TRIM61: variants seen among roughly 807,000 people sequenced by gnomAD.
TRIM61 encodes tripartite motif containing 61.
A neutral mutation model predicts 14.2 loss-of-function variants in TRIM61; 1 was observed. That is an observed-to-expected ratio of 0.07 (90% CI 0.03 to 0.33). TRIM61 has a LOEUF of 0.33. TRIM61 is among the 10% of genes least tolerant of loss of function. The pLI is 0.99. For synonymous variants in TRIM61, 8 were observed against 71.6 expected (o/e 0.11, Z 4.49); for missense variants, 19 against 202.2 (o/e 0.09, Z 5.49).
chr4:164,955,223 G>A (rs1000776480), intron 3 of TRIM61: 2 of 153,844 alleles, frequency 1.3e-5, no homozygotes, highest in African/African-American at 4.8e-5. Context: ...TATGTTGTAT[G>A]ACAATCACAG....
chr4:164,968,067 G>A, intron 3 of TRIM61: 4 of 669,948 alleles, frequency 6.0e-6, no homozygotes, highest in Non-Finnish European at 7.4e-6. Flanking sequence ...CTGAAGAATA[G>A]CTTGAACCTG....
intron 3 of TRIM61, among the ~76,000 whole-genome samples, chr4:164,967,831 CT>C (rs1483326700): frequency 6.7e-6 from 1 of 150,230 alleles, no homozygotes; most frequent in Non-Finnish European, 1.5e-5. Flanking sequence ...AAAATAAAAA[CT>C]TTAGTTAAAA....
chr4:164,968,432 G>A (rs1009056748), intron 3 of TRIM61: 19 of 984,628 alleles, frequency 1.9e-5, no homozygotes, highest in Admixed American at 6.2e-5. Flanking sequence ...ATATAAAGTA[G>A]GTCCCATAAT....
At chr4:164,957,344 C>A (rs1732030791) in intron 3 of TRIM61, 2 of 1,614,096 alleles carry the variant, frequency 1.2e-6, no homozygotes, top group Non-Finnish European at 8.5e-7. Flanking sequence ...GGCTGTCACG[C>A]CACCGAAATT....
At chr4:164,967,038 C>A (rs968657761) in intron 3 of TRIM61, among the ~76,000 whole-genome samples, 1 of 152,138 alleles carries the variant, frequency 6.6e-6, no homozygotes, top group African/African-American at 2.4e-5. Context: ...CCAATGGAAT[C>A]TAAACAAGAG....
chr4:164,957,799 A>G (rs757116488), intron 3 of TRIM61: 1 of 263,764 alleles, frequency 3.8e-6, no homozygotes, highest in Non-Finnish European at 7.7e-6. Context: ...TAAAGCTCTA[A>G]TAAGTGAGAT....
chr4:164,968,208 C>T, intron 3 of TRIM61, 73 bp downstream of exon 3: 1 of 984,468 alleles, frequency 1.0e-6, no homozygotes, highest in South Asian at 4.7e-5. Context: ...ATTTACATAG[C>T]AGTAGTCCAA....
At chr4:164,974,155 G>C (rs1313151623) in intron 2 of TRIM61, among the ~76,000 whole-genome samples, 1 of 152,224 alleles carries the variant, frequency 6.6e-6, no homozygotes, top group Non-Finnish European at 1.5e-5. Flanking sequence ...GAGCAACAGA[G>C]CAAGGCTCTG....
intron 3 of TRIM61, chr4:164,958,143 A>G (rs994029560): frequency 2.4e-5 from 4 of 167,106 alleles, no homozygotes; most frequent in East Asian, 1.9e-4. Context: ...CTGGATAGAT[A>G]TAATAGAGTT....
chr4:164,970,760 T>C (rs1273128150), intron 2 of TRIM61, among the ~76,000 whole-genome samples: 1 of 152,128 alleles, frequency 6.6e-6, no homozygotes, highest in African/African-American at 2.4e-5. Flanking sequence ...GTGTGACCCC[T>C]GATTGAATCT....
intron 3 of TRIM61, chr4:164,969,087 G>A (rs577944627): frequency 1.6e-4 from 173 of 1,089,200 alleles, no homozygotes; most frequent in Middle Eastern, 8.8e-4. Context: ...ATAAGTTTAC[G>A]ATGTGCTGTT....
rs558482603 is a variant in TRIM61, at chr4:164,972,805, A to G, written c.-337-2466T>C. On this transcript the variant is annotated intron_variant, in intron 2 of 4. Coordinates refer to ENST00000329314, the MANE Select transcript of TRIM61 (RefSeq NM_001012414.3). ...CACCTGACATGTCTATTGCTTCTTG[A>G]TATCATTTAACTTGTCCCTCAGGCC... is the stretch of plus-strand genomic sequence containing the variant. Among the ~76,000 whole-genome samples the G allele has an allele frequency of 5.9e-5, 9 of 152,258 alleles. No individual in the cohort carries two copies. In the South Asian group the frequency reaches 1.9e-3, roughly 32 times the overall value.
At chr4:164,957,007 C>A (rs776444860) in intron 3 of TRIM61, 3 of 1,479,168 alleles carry the variant, frequency 2.0e-6, no homozygotes, top group Non-Finnish European at 2.7e-6. Context: ...CGGGGCAGCG[C>A]CATGTACCAC....
intron 3 of TRIM61, among the ~76,000 whole-genome samples, chr4:164,964,834 G>A (rs868085523): frequency 3.3e-5 from 5 of 152,220 alleles, no homozygotes; most frequent in Middle Eastern, 3.4e-3. Flanking sequence ...TTTAAACTAT[G>A]ACTGTTTTCT....
At chr4:164,974,410 A>T (rs1490335807) in intron 2 of TRIM61, among the ~76,000 whole-genome samples, 1 of 152,202 alleles carries the variant, frequency 6.6e-6, no homozygotes, top group Admixed American at 6.5e-5. Flanking sequence ...AATTAACTTC[A>T]GATAGAATCG....
rs986486643 is a variant in TRIM61 at position 164,957,294 on chromosome 4, G to T, written c.526-2198C>A. On this transcript the variant is annotated intron_variant, in intron 3 of 4. Coordinates refer to ENST00000329314, the MANE Select transcript of TRIM61 (RefSeq NM_001012414.3). ...GTTTTCTCCGCGTGCCCTGTCAGCC[G>T]CTCATGGTGCCCAGAGAGGAATTTT... The T allele has an allele frequency of 4.3e-6, 7 of 1,614,060 alleles. No individual in the cohort carries two copies. The African/African-American group carries it at 8.0e-5, about 18-fold the overall frequency.
At chr4:164,961,002 AC>A (rs1732118341) in intron 3 of TRIM61, among the ~76,000 whole-genome samples, 1 of 151,926 alleles carries the variant, frequency 6.6e-6, no homozygotes, top group South Asian at 2.1e-4. Flanking sequence ...ATATTTTCCT[AC>A]ACATGTCTGG....
At chr4:164,960,448 G>A (rs1334506802) in intron 3 of TRIM61, among the ~76,000 whole-genome samples, 1 of 151,906 alleles carries the variant, frequency 6.6e-6, no homozygotes, top group Non-Finnish European at 1.5e-5. Flanking sequence ...CCAGCTACTT[G>A]GGAAGCTGAG....
intron 2 of TRIM61, among the ~76,000 whole-genome samples, chr4:164,971,333 T>C (rs13144590): frequency 0.16 from 23,938 of 152,096 alleles, 2,747 homozygotes; most frequent in East Asian, 0.61. Flanking sequence ...GGCTCACGCC[T>C]GTAATCCCAG....
Sources: allele counts gnomAD v4.1 joint callset (sites outside exome capture counted in the v4.1 genomes callset), GRCh38; gene constraint gnomAD v4.1.1; transcripts MANE v1.5; gene names NCBI Gene and HGNC (gene_info 2026-07-23, HGNC 2026-07-21).